AOAH: variants seen among roughly 807,000 people sequenced by gnomAD.
AOAH encodes acyloxyacyl hydrolase.
A neutral mutation model predicts 92.2 loss-of-function variants in AOAH; 64 were observed. That is an observed-to-expected ratio of 0.69 (90% CI 0.57 to 0.86). The LOEUF is 0.86. Ranked by LOEUF, AOAH falls within the 40% of genes least tolerant of loss-of-function variation. The pLI, the probability that AOAH is intolerant of heterozygous loss-of-function variation, is 0.00. For missense variants in AOAH, 656 were observed against 694.6 expected (o/e 0.94, Z 0.62); for synonymous variants, 263 against 254.5 (o/e 1.03, Z -0.32).
In AOAH at chr7:36,594,337, A is replaced by G; in HGVS notation, c.938+2T>C. On this transcript the variant is annotated splice_donor_variant, in intron 12 of 20. Coordinates refer to ENST00000617537, the MANE Select transcript of AOAH (RefSeq NM_001637.4). LOFTEE classifies it high-confidence loss of function. ...TGTCTGAGGGTGCACAAAGACACTT[A>G]CCCAACAGTGGAGTCCAGAAATCCT... The G allele has an allele frequency of 6.2e-7, 1 of 1,611,838 alleles. No homozygotes were observed. The highest frequency in any genetic ancestry group is 8.5e-7 in the Non-Finnish European group (1 of 1,177,888).
At chr7:36,557,655 C>A (rs1477809611) in intron 13 of AOAH, among the ~76,000 whole-genome samples, 2 of 152,128 alleles carry the variant, frequency 1.3e-5, no homozygotes, top group African/African-American at 4.8e-5. Context: ...TTCACATAGT[C>A]CCATATTTCT....
At position 36,675,334 on chromosome 7, in the gene AOAH, A is replaced by G. The variant is rs144666799; in HGVS notation, c.224-1325T>C. Among the ~76,000 whole-genome samples, 525 of 152,350 alleles carry G rather than the reference A, an allele frequency of 3.4e-3. 4 individuals are homozygous for G. The highest frequency in any genetic ancestry group is 0.012 in the African/African-American group (511 of 41,584). On this transcript the variant is annotated intron_variant, in intron 2 of 20. Coordinates refer to ENST00000617537, the MANE Select transcript of AOAH (RefSeq NM_001637.4). ...CCTCACATTATGAGTGACCTTAAAG[A>G]AATAAAAAGGATTATAATGGAATGT...
At chr7:36,520,137 G>C (rs1202523421) in intron 20 of AOAH, among the ~76,000 whole-genome samples, 1 of 152,200 alleles carries the variant, frequency 6.6e-6, no homozygotes, top group Non-Finnish European at 1.5e-5. Context: ...TCAATAATCA[G>C]ATATAGGTGA....
At chr7:36,632,323 T>C (rs1389807714) in intron 5 of AOAH, among the ~76,000 whole-genome samples, 1 of 152,192 alleles carries the variant, frequency 6.6e-6, no homozygotes, top group East Asian at 1.9e-4. Context: ...GCCCGAAGCC[T>C]TCCCTCCTTC....
At chr7:36,699,637 GTTT>G (rs377319409) in intron 1 of AOAH, among the ~76,000 whole-genome samples, 563 of 134,514 alleles carry the variant, frequency 4.2e-3, no homozygotes, top group African/African-American at 0.015. Context: ...TGGATTATTT[GTTT>G]TTTTTTTTTT....
chr7:36,548,591 T>A, intron 15 of AOAH, 21 bp downstream of exon 15: 1 of 1,605,598 alleles, frequency 6.2e-7, no homozygotes, highest in Non-Finnish European at 8.5e-7. Flanking sequence ...ATCTTGAAAA[T>A]ACTTTTTCTC....
At chr7:36,553,362 A>G (rs1786430664) in intron 13 of AOAH, among the ~76,000 whole-genome samples, 1 of 152,028 alleles carries the variant, frequency 6.6e-6, no homozygotes, top group Non-Finnish European at 1.5e-5. Context: ...TATATGTGCC[A>G]CATTTTCTTA....
At chr7:36,623,730 C>A (rs191027759) in intron 6 of AOAH, among the ~76,000 whole-genome samples, 1 of 152,176 alleles carries the variant, frequency 6.6e-6, no homozygotes, top group Non-Finnish European at 1.5e-5. Flanking sequence ...ATTCATGAGT[C>A]TTGGAAGCCA....
intron 2 of AOAH, among the ~76,000 whole-genome samples, chr7:36,678,793 G>A (rs141603424): frequency 1.5e-3 from 236 of 152,272 alleles, no homozygotes; most frequent in African/African-American, 5.5e-3. Context: ...AGAGCAATCC[G>A]TAAGGGTACA....
At chr7:36,544,521 A>G (rs1785667822) in intron 15 of AOAH, among the ~76,000 whole-genome samples, 1 of 152,118 alleles carries the variant, frequency 6.6e-6, no homozygotes, top group African/African-American at 2.4e-5. Context: ...CTCACCCCAG[A>G]CACTCAGATG....
At chr7:36,635,547 T>C (rs115205011) in intron 5 of AOAH, among the ~76,000 whole-genome samples, 4,541 of 152,132 alleles carry the variant, frequency 0.03, 226 homozygotes, top group African/African-American at 0.1. Flanking sequence ...GCAATTTTTA[T>C]AGGCTTCCCA....
At chr7:36,533,897 T>C (rs1262068401) in intron 16 of AOAH, among the ~76,000 whole-genome samples, 2 of 152,158 alleles carry the variant, frequency 1.3e-5, no homozygotes, top group Non-Finnish European at 2.9e-5. Flanking sequence ...TCTGGCTGCT[T>C]TTGCCTTGGT....
intron 3 of AOAH, among the ~76,000 whole-genome samples, chr7:36,668,629 G>C (rs536801639): frequency 6.6e-6 from 1 of 152,194 alleles, no homozygotes; most frequent in Non-Finnish European, 1.5e-5. Context: ...TGGGATTAGA[G>C]AGGTGCACCG....
In AOAH at chr7:36,614,878, A is replaced by C. The variant is rs1019360059; in HGVS notation, c.846+1502T>G. 6.6e-6 allele frequency among the ~76,000 whole-genome samples: 1 copy of C among 152,220 alleles called. No individual in the cohort carries two copies. The highest frequency in any genetic ancestry group is 1.5e-5 in the Non-Finnish European group (1 of 68,038). ...CCTGACTGCTGTGGACTGGGGAGAC[A>C]GGCCCTGGGAAGGAGAGATTCCTGG... On this transcript the variant is annotated intron_variant, in intron 11 of 20. Coordinates refer to ENST00000617537, the MANE Select transcript of AOAH (RefSeq NM_001637.4). The surrounding 1 kb of genome is among the most constrained non-coding windows in gnomAD (Gnocchi z 4.2).
chr7:36,612,033 G>C (rs755494622), intron 11 of AOAH, among the ~76,000 whole-genome samples: 1 of 152,122 alleles, frequency 6.6e-6, no homozygotes, highest in African/African-American at 2.4e-5. Context: ...CTTTTGCAAA[G>C]ATTGAATTAA....
At chr7:36,592,548 A>G (rs1789820720) in intron 12 of AOAH, among the ~76,000 whole-genome samples, 1 of 152,208 alleles carries the variant, frequency 6.6e-6, no homozygotes, top group Non-Finnish European at 1.5e-5. Flanking sequence ...TCCCACACAA[A>G]GAATAAAAAC....
At chr7:36,694,636 G>T (rs1005111228) in intron 1 of AOAH, among the ~76,000 whole-genome samples, 3 of 152,144 alleles carry the variant, frequency 2.0e-5, no homozygotes, top group African/African-American at 7.2e-5. Flanking sequence ...TTGGAGCTGA[G>T]ATTTACTTCA....
Position 36,529,299 on chromosome 7 carries a change from G to A in AOAH, c.1522+1119C>T, listed in dbSNP as rs540848471. On this transcript the variant is annotated intron_variant, in intron 19 of 20. Transcript: ENST00000617537. ...TTTAATAACTTTATCTATATTCAAG[G>A]TTGATGATGATCAAAGATCACTTGG... 2.6e-5 allele frequency among the ~76,000 whole-genome samples: 4 copies of A among 152,196 alleles called. No individual in the cohort carries two copies. The South Asian group carries it at 8.3e-4, about 32-fold the overall frequency.
intron 13 of AOAH, among the ~76,000 whole-genome samples, chr7:36,556,142 C>A (rs1387213892): frequency 1.3e-5 from 2 of 152,130 alleles, no homozygotes; most frequent in Admixed American, 6.5e-5. Context: ...TTTCCCTCTA[C>A]ACACTGCTTT....
Sources: allele counts gnomAD v4.1 joint callset (sites outside exome capture counted in the v4.1 genomes callset), GRCh38; gene constraint gnomAD v4.1.1; non-coding constraint Gnocchi (gnomAD v3.1); transcripts MANE v1.5; gene names NCBI Gene and HGNC (gene_info 2026-07-23, HGNC 2026-07-21).